FREM1: variants seen among roughly 807,000 people sequenced by gnomAD.
FREM1 encodes FRAS1 related extracellular matrix 1.
FREM1 carries 220 observed loss-of-function variants against 210.1 expected under a neutral mutation model. The observed-to-expected ratio is 1.05, with a 90% CI of 0.94 to 1.17. The LOEUF is 1.17. Among genes scored for constraint, FREM1 ranks in the 50% most tolerant of loss-of-function variants. The pLI is 0.00. For synonymous variants in FREM1, 1,189 were observed against 980.2 expected, an observed-to-expected ratio of 1.21 and a Z score of -3.98; for missense variants, 3,454 against 2,675.5, an observed-to-expected ratio of 1.29 and a Z score of -6.42.
At chr9:14,873,154 G>A (rs901069015) in intron 1 of FREM1, among the ~76,000 whole-genome samples, 6 of 152,054 alleles carry the variant, frequency 3.9e-5, no homozygotes, top group African/African-American at 1.4e-4. Flanking sequence ...TCTCTGCCAG[G>A]CTTTGGTATC....
At chr9:14,770,570 A>G in intron 26 of FREM1, 35 bp downstream of exon 26, 2 of 1,534,822 alleles carry the variant, frequency 1.3e-6, no homozygotes, top group Non-Finnish European at 1.8e-6. Context: ...TGGGTATTTT[A>G]AAATGGCAAT....
chr9:14,782,567 A>G (rs1849799466), intron 24 of FREM1, among the ~76,000 whole-genome samples: 1 of 152,232 alleles, frequency 6.6e-6, no homozygotes, highest in Non-Finnish European at 1.5e-5. Context: ...AAATGTATTA[A>G]GCCAAGAAGC....
chr9:14,841,913 T>G (rs946821053), intron 9 of FREM1, among the ~76,000 whole-genome samples: 1 of 152,222 alleles, frequency 6.6e-6, no homozygotes, highest in Middle Eastern at 3.2e-3. Flanking sequence ...AAACTCCGGA[T>G]CTACCTACTT....
chr9:14,877,444 C>CTTTTTTTTTTTTTTTTTTTTTTTT (rs1554717635), intron 1 of FREM1, among the ~76,000 whole-genome samples: 1 of 146,486 alleles, frequency 6.8e-6, no homozygotes, highest in Non-Finnish European at 1.5e-5. Flanking sequence ...CTTGTTGTTT[C>CTTTTTTTTTTTTTTTTTTTTTTTT]TTTATGGTAG....
In FREM1 at chr9:14,775,970, C is replaced by T. The variant is rs758295747; in HGVS notation, c.4676G>A (p.Gly1559Glu). ...LPQHGQLYLW[G>E]TGLLQHNFTQ... The stretch of plus-strand genomic sequence containing the variant: ...GAAATTGTGTTGAAGTAGCCCTGTC[C>T]CCCACAGGTAGAGCTGGCCATGCTG... The change falls in exon 25 of 37, where the codon GGG (glycine) becomes GAG (glutamate). Residue 1559 changes from glycine to glutamate, a missense_variant. Coordinates refer to ENST00000380880, the MANE Select transcript of FREM1 (RefSeq NM_001379081.2). 1.2e-5 allele frequency: 20 copies of T among 1,613,844 alleles called. No individual in the cohort carries two copies. The highest frequency in any genetic ancestry group is 1.7e-5 in the Non-Finnish European group (20 of 1,179,894).
intron 29 of FREM1, among the ~76,000 whole-genome samples, chr9:14,751,065 A>G (rs1004661122): frequency 1.3e-5 from 2 of 152,206 alleles, no homozygotes; most frequent in South Asian, 4.1e-4. Flanking sequence ...GCAAGAAGAA[A>G]CTTCTGAGAT....
intron 10 of FREM1, among the ~76,000 whole-genome samples, chr9:14,840,867 C>T (rs958517844): frequency 4.6e-5 from 7 of 152,236 alleles, no homozygotes; most frequent in Admixed American, 2.6e-4. Flanking sequence ...GCATTCTACA[C>T]ATTTAAATTA....
At position 14,860,826 on chromosome 9, in the gene FREM1, CATATAT is replaced by C. The variant is rs1554707561; in HGVS notation, c.330-1348_330-1343del. Among the ~76,000 whole-genome samples the C allele has an allele frequency of 2.7e-3, 224 of 83,388 alleles. 4 individuals are homozygous for C. Among genetic ancestry groups the C allele is most frequent in the East Asian group, 3.9e-3 (7 of 1,792 alleles). The allele number at this position is 83,388 out of a possible 152,430, so 54.7% of individuals were successfully genotyped here. ...ATATATACATATATACACATATATA[CATATAT>C]ACGTATATATACATATATACGTATA... On this transcript the variant is annotated intron_variant, in intron 3 of 36. Coordinates refer to ENST00000380880, the MANE Select transcript of FREM1 (RefSeq NM_001379081.2).
At chr9:14,795,009 A>C (rs1852109035) in intron 21 of FREM1, among the ~76,000 whole-genome samples, 1 of 151,806 alleles carries the variant, frequency 6.6e-6, no homozygotes, top group African/African-American at 2.4e-5. Context: ...AAAAAAAAAA[A>C]AAAAAAATAG....
Position 14,804,987 on chromosome 9 carries a change from T to C in FREM1, c.3440A>G (p.Glu1147Gly). 1 of 1,613,360 alleles carries C rather than the reference T, an allele frequency of 6.2e-7. No individual in the cohort carries two copies. Among genetic ancestry groups the C allele is most frequent in the South Asian group, 1.1e-5 (1 of 91,062 alleles). ...FSIIINPTNDEAPDFVVQNIT... is the reference protein window; with the variant it reads ...FSIIINPTNDGAPDFVVQNIT... ...ATTCTGCACTACAAAGTCAGGAGCT[T>C]CATCATTTGTGGGGTTGATTATAAT... The change falls in exon 19 of 37, where the codon GAA (glutamate) becomes GGA (glycine). Residue 1147 changes from glutamate (E) to glycine (G), a missense_variant. Transcript: ENST00000380880.
chr9:14,770,810 G>A lies in FREM1; in HGVS notation c.4858-4C>T, dbSNP rs760348481. On this transcript the variant is annotated splice_region_variant and splice_polypyrimidine_tract_variant and intron_variant, in intron 25 of 36. Transcript: ENST00000380880. ...CTGTTTTGTCCAATTGGTCTACCTGGATCATCAACAATGACATAAAATGTT... is the reference window on the plus strand; with the variant it reads ...CTGTTTTGTCCAATTGGTCTACCTGAATCATCAACAATGACATAAAATGTT... The A allele has an allele frequency of 1.2e-6, 2 of 1,606,766 alleles. No homozygotes were observed. Among genetic ancestry groups the A allele is most frequent in the East Asian group, 4.5e-5 (2 of 44,690 alleles).
At position 14,797,500 on chromosome 9, in the gene FREM1, G is replaced by C; in HGVS notation, c.3837C>G (p.Ser1279Arg). ...GGGACTCTTTTCAGGTAGCTTACTT[G>C]CTCAGCATTGGTTTTTCATCATTAA... ...IPVNDEKPMLSKKAEIAMNMG... is the reference protein window; with the variant it reads ...IPVNDEKPMLRKKAEIAMNMG... Residue 1279 changes from serine to arginine, a missense_variant and splice_region_variant, in exon 21 of 37, where the codon AGC becomes AGG. Ser to Arg is a moderately radical substitution (Grantham distance 110). Transcript: ENST00000380880. The C allele has an allele frequency of 6.2e-7, 1 of 1,605,210 alleles. No individual in the cohort carries two copies. The highest frequency in any genetic ancestry group is 8.5e-7 in the Non-Finnish European group (1 of 1,175,472).
intron 1 of FREM1, among the ~76,000 whole-genome samples, chr9:14,874,849 T>G (rs201307687): frequency 1.3e-5 from 2 of 152,208 alleles, no homozygotes; most frequent in South Asian, 2.1e-4. Context: ...AGGAGCTCTT[T>G]TAGGGCAGGC....
At chr9:14,740,696 G>T (rs989991217) in intron 35 of FREM1, among the ~76,000 whole-genome samples, 1 of 152,082 alleles carries the variant, frequency 6.6e-6, no homozygotes, top group East Asian at 1.9e-4. Context: ...AGCTTAGTGG[G>T]TTTAGCCAAA....
intron 6 of FREM1, 129 bp from the exon 7 acceptor site, chr9:14,848,902 C>T: frequency 2.0e-6 from 1 of 504,996 alleles, no homozygotes; most frequent in Non-Finnish European, 3.6e-6. Context: ...GCAGTTCCCA[C>T]ATCTCATTTA....
At chr9:14,807,827 A>G in intron 17 of FREM1, 113 bp downstream of exon 17, 1 of 790,928 alleles carries the variant, frequency 1.3e-6, no homozygotes, top group East Asian at 2.6e-5. Context: ...TTGAAGGACA[A>G]TTCCATATGG....
At chr9:14,846,154 A>G (rs1588330930) in intron 7 of FREM1, 63 bp from the exon 8 acceptor site, 1 of 1,326,568 alleles carries the variant, frequency 7.5e-7, no homozygotes, top group Non-Finnish European at 1.1e-6. Flanking sequence ...TGAGGCACAT[A>G]TACACCATGG....
In FREM1 at chr9:14,746,386, G is replaced by C; in HGVS notation, c.6221C>G (p.Thr2074Ser). 6.2e-7 allele frequency: 1 copy of C among 1,613,818 alleles called. No homozygotes were observed. Among genetic ancestry groups the C allele is most frequent in the Non-Finnish European group, 8.5e-7 (1 of 1,179,722 alleles). Residue 2074 changes from threonine to serine, a missense_variant, in exon 35 of 37, where the codon ACC becomes AGC. Physicochemically the swap from Thr to Ser is moderately conservative, Grantham distance 58 (BLOSUM62 1). Transcript: ENST00000380880. The stretch of plus-strand genomic sequence containing the variant: ...GCAAGCTTGGGCAGCCGCATTCCAG[G>C]TGCCTTTCTGCTCTGTGATCAAGAT... ...CHILITEQKG[T>S]WNAAAQACRE...
chr9:14,757,207 C>T (rs968724926), intron 28 of FREM1, among the ~76,000 whole-genome samples: 1 of 152,218 alleles, frequency 6.6e-6, no homozygotes, highest in African/African-American at 2.4e-5. Context: ...GCGATTTTAG[C>T]GCTCTGAAGT....
Sources: gnomAD v4.1 joint callset for allele counts (sites outside exome capture counted in the v4.1 genomes callset) on GRCh38, gnomAD v4.1.1 for gene constraint, MANE v1.5 for transcripts, NCBI Gene and HGNC (gene_info 2026-07-23, HGNC 2026-07-21) for gene names.